The following PAX7 variants were observed in gnomAD, a reference collection of about 807,000 sequenced individuals.
PAX7 encodes the protein paired box 7, also known as paired box protein Pax-7.
In PAX7, 18 loss-of-function variants were observed where a neutral mutation model predicts 50.7. The ratio of observed to expected loss-of-function variants is 0.36; its 90% CI spans 0.25 to 0.53. PAX7 has a LOEUF of 0.53. Among genes scored for constraint, PAX7 ranks in the 20% least tolerant of loss-of-function variants. The pLI, the probability that PAX7 is intolerant of heterozygous loss-of-function variation, is 0.93. For synonymous variants in PAX7, 310 were observed against 290.4 expected (o/e 1.07, Z -0.69); for missense variants, 644 against 702.9 (o/e 0.92, Z 0.95).
At chr1:18,722,444 C>T (rs2089506169) in intron 7 of PAX7, among the ~76,000 whole-genome samples, 1 of 152,172 alleles carries the variant, frequency 6.6e-6, no homozygotes, top group Admixed American at 6.5e-5. Context: ...TACGTCAATG[C>T]CGTGGGCATG....
rs1191408333 is a variant in PAX7, at chr1:18,700,546, TGG to T, written c.787-106_787-105del. 7.8e-5 allele frequency: 81 copies of T among 1,040,484 alleles called. No individual in the cohort carries two copies. The highest frequency in any genetic ancestry group is 3.4e-4 in the Admixed American group (12 of 35,128). 64.5% of individuals were successfully genotyped at this position (1,040,484 alleles called of 1,614,324 possible). A position where few individuals can be genotyped will look rare whatever the true frequency, so the allele number is the denominator to read the frequency against. ...AATGCCGGGGCCTGCAGGAGGATGC[TGG>T]CTGGATCAGAGGGTGATGGCTTGGG... On this transcript the variant is annotated intron_variant, in intron 5 of 8. Coordinates refer to ENST00000420770, the MANE Select transcript of PAX7 (RefSeq NM_001135254.2). The surrounding 1 kb of genome is among the most constrained non-coding windows in gnomAD (Gnocchi z 4.8).
chr1:18,666,946 C>T (rs2088677914), intron 4 of PAX7, among the ~76,000 whole-genome samples: 1 of 148,962 alleles, frequency 6.7e-6, no homozygotes, highest in Non-Finnish European at 1.5e-5. Flanking sequence ...AGGGACCTGG[C>T]TCCAGGATAG....
chr1:18,647,893 T>G (rs1162809399), intron 4 of PAX7, among the ~76,000 whole-genome samples: 1 of 152,126 alleles, frequency 6.6e-6, no homozygotes, highest in East Asian at 1.9e-4. Context: ...TCCCTCCTGA[T>G]CTACAGTTCT....
At chr1:18,631,770 C>T in intron 1 of PAX7, 82 bp downstream of exon 1, 1 of 1,149,554 alleles carries the variant, frequency 8.7e-7, no homozygotes. Flanking sequence ...CTCCAGGGGA[C>T]GGTGGCGGCG....
At chr1:18,725,163 A>G (rs1256813509) in intron 7 of PAX7, among the ~76,000 whole-genome samples, 1 of 152,194 alleles carries the variant, frequency 6.6e-6, no homozygotes, top group African/African-American at 2.4e-5. Context: ...GGCCTGAGCT[A>G]TCACGGCCCT....
intron 4 of PAX7, among the ~76,000 whole-genome samples, chr1:18,680,762 C>A (rs1481413947): frequency 6.6e-6 from 1 of 152,146 alleles, no homozygotes; most frequent in African/African-American, 2.4e-5. Context: ...CTCCCTGCTG[C>A]TTAAATAACT....
chr1:18,716,558 T>G (rs1327814689), intron 7 of PAX7, among the ~76,000 whole-genome samples: 1 of 151,660 alleles, frequency 6.6e-6, no homozygotes, highest in East Asian at 1.9e-4. Flanking sequence ...TTTCCCCACT[T>G]CCTCTTTTCT....
At chr1:18,646,920 G>A (rs1377681152) in intron 4 of PAX7, among the ~76,000 whole-genome samples, 1 of 144,198 alleles carries the variant, frequency 6.9e-6, no homozygotes, top group Non-Finnish European at 1.5e-5. Context: ...CCCGCGCCCG[G>A]GCTATTGACT....
At chr1:18,740,472 T>G (rs1307722420) in intron 8 of PAX7, among the ~76,000 whole-genome samples, 1 of 152,192 alleles carries the variant, frequency 6.6e-6, no homozygotes. Context: ...CAGCGACCTC[T>G]CCGTACCTCA....
At chr1:18,633,161 G>A in intron 1 of PAX7, among the ~76,000 whole-genome samples, 1 of 152,144 alleles carries the variant, frequency 6.6e-6, no homozygotes, top group East Asian at 1.9e-4. Context: ...GGGGGGACCG[G>A]GAGAGCGAGG....
At chr1:18,699,696 G>A (rs2089192289) in intron 5 of PAX7, among the ~76,000 whole-genome samples, 2 of 152,020 alleles carry the variant, frequency 1.3e-5, no homozygotes, top group African/African-American at 4.8e-5. Flanking sequence ...GACTAGCTGG[G>A]ACTACAGGCG....
Position 18,744,973 on chromosome 1 carries a change from C to G in PAX7, c.*44C>G, listed in dbSNP as rs1450128896. 8.6e-7 allele frequency: 1 copy of G among 1,165,048 alleles called. No individual in the cohort carries two copies. The highest frequency in any genetic ancestry group is 1.3e-6 in the Non-Finnish European group (1 of 797,638). The allele number at this position is 1,165,048 out of a possible 1,614,324, so 72.2% of individuals were successfully genotyped here. A position where few individuals can be genotyped will look rare whatever the true frequency, so the allele number is the denominator to read the frequency against. ...CCCCAGCCCAATTCCCAGCCCAACC[C>G]TAACTGACCCCTGAGCTTCCCAGCC... On this transcript the variant is annotated 3_prime_UTR_variant, in exon 9 of 9. Transcript: ENST00000420770.
Position 18,636,779 on chromosome 1 carries a change from G to A in PAX7, c.586+408G>A, listed in dbSNP as rs1160534554. On this transcript the variant is annotated intron_variant, in intron 4 of 8. Coordinates refer to ENST00000420770, the MANE Select transcript of PAX7 (RefSeq NM_001135254.2). The surrounding 1 kb of genome is among the most constrained non-coding windows in gnomAD (Gnocchi z 5.1). ...GGGGGCGGGGGACGGGAGGGAGGGAGAGAGGAAGGAGGAGCCGGCCCGCGG... is the reference window on the plus strand; with the variant it reads ...GGGGGCGGGGGACGGGAGGGAGGGAAAGAGGAAGGAGGAGCCGGCCCGCGG... Among the ~76,000 whole-genome samples, 2 of 152,126 alleles carry A rather than the reference G, an allele frequency of 1.3e-5. No individual in the cohort carries two copies. The highest frequency in any genetic ancestry group is 4.8e-5 in the African/African-American group (2 of 41,446).
At chr1:18,663,256 T>C (rs1193143483) in intron 4 of PAX7, among the ~76,000 whole-genome samples, 1 of 152,212 alleles carries the variant, frequency 6.6e-6, no homozygotes, top group African/African-American at 2.4e-5. Flanking sequence ...CTTCCACCTG[T>C]TAACTGAGGA....
At chr1:18,641,518 C>T (rs761090416) in intron 4 of PAX7, among the ~76,000 whole-genome samples, 1 of 152,208 alleles carries the variant, frequency 6.6e-6, no homozygotes, top group Non-Finnish European at 1.5e-5. Context: ...GGTGGGGTCC[C>T]CCGCTGCGAG....
chr1:18,675,593 C>A (rs946158889), intron 4 of PAX7, among the ~76,000 whole-genome samples: 1 of 152,128 alleles, frequency 6.6e-6, no homozygotes, highest in Non-Finnish European at 1.5e-5. Flanking sequence ...GGCTGTCCCC[C>A]CAACCCCACC....
chr1:18,695,209 AAAAAAAAAAAG>A (rs373340173), intron 5 of PAX7, among the ~76,000 whole-genome samples: 2,996 of 61,546 alleles, frequency 0.049, 120 homozygotes, highest in African/African-American at 0.16. Context: ...GATTACATGT[AAAAAAAAAAAG>A]AAAAAAAAAG....
At chr1:18,689,068 C>T (rs937369871) in intron 4 of PAX7, among the ~76,000 whole-genome samples, 16 of 152,156 alleles carry the variant, frequency 1.1e-4, no homozygotes, top group African/African-American at 3.9e-4. Context: ...TGCCCAGAGA[C>T]TGCACTCCCT....
intron 7 of PAX7, among the ~76,000 whole-genome samples, chr1:18,728,114 T>C (rs979239260): frequency 1.3e-5 from 2 of 151,902 alleles, no homozygotes; most frequent in Non-Finnish European, 2.9e-5. Flanking sequence ...GGGGCATGCG[T>C]GTGTCTGGGT....
Sources: gnomAD v4.1 joint callset for allele counts (sites outside exome capture counted in the v4.1 genomes callset) on GRCh38, gnomAD v4.1.1 for gene constraint, Gnocchi (gnomAD v3.1) non-coding constraint, MANE v1.5 for transcripts, NCBI Gene and HGNC (gene_info 2026-07-23, HGNC 2026-07-21) for gene names.